CYP2A13: variants seen among roughly 807,000 people sequenced by gnomAD.
CYP2A13 encodes cytochrome P450 family 2 subfamily A member 13, also known as cytochrome P450 2A13.
In CYP2A13, 30 loss-of-function variants were observed where a neutral mutation model predicts 39.4. The ratio of observed to expected loss-of-function variants is 0.76; its 90% CI spans 0.57 to 1.03. The LOEUF is 1.03. Among genes scored for constraint, CYP2A13 ranks in the 50% least tolerant of loss-of-function variants. CYP2A13 has a pLI of 0.00. For missense variants in CYP2A13, 731 were observed against 648.4 expected (o/e 1.13, Z -1.38); for synonymous variants, 269 against 254.7 (o/e 1.06, Z -0.54).
chr19:41,090,191 C>T lies in CYP2A13; in HGVS notation c.488C>T (p.Thr163Met), dbSNP rs768745189. The change falls in exon 3 of 9, where the codon ACG becomes ATG. Residue 163 changes from threonine (T) to methionine (M), a missense_variant. Physicochemically the swap from Thr to Met is moderately conservative, Grantham distance 81. Coordinates refer to ENST00000330436, the MANE Select transcript of CYP2A13 (RefSeq NM_000766.5). ...AGFLIDALRG[T>M]HGANIDPTFF... ...TTCCTCATCGACGCCCTCCGGGGCA[C>T]GCACGGTGAGTAGGGGACCCCGAGT... 11 of 1,577,802 alleles carry T rather than the reference C, an allele frequency of 7.0e-6. No homozygotes were observed. The highest frequency in any genetic ancestry group is 1.7e-4 in the Middle Eastern group (1 of 5,906).
chr19:41,093,668 C>G lies in CYP2A13; in HGVS notation c.870C>G (p.Asn290Lys), dbSNP rs1568367887. The G allele has an allele frequency of 6.2e-7, 1 of 1,614,132 alleles. No individual in the cohort carries two copies. Among genetic ancestry groups the G allele is most frequent in the Non-Finnish European group, 8.5e-7 (1 of 1,180,028 alleles). Reference sequence around the variant, plus strand: ...CCAACACAGAGTTCTACTTGAAGAACCTGGTGATGACCACCCTGAACCTCT... The same window carrying G: ...CCAACACAGAGTTCTACTTGAAGAAGCTGGTGATGACCACCCTGAACCTCT... ...KNPNTEFYLK[N>K]LVMTTLNLFF... Residue 290 changes from asparagine to lysine, a missense_variant, in exon 6 of 9, where the codon AAC becomes AAG. Transcript: ENST00000330436.
At chr19:41,091,186 G>C (rs1568367260) in intron 4 of CYP2A13, among the ~76,000 whole-genome samples, 2 of 152,158 alleles carry the variant, frequency 1.3e-5, no homozygotes, top group African/African-American at 4.8e-5. Flanking sequence ...TTACAGAGGT[G>C]CTCCCAGTGC....
rs570254738 is a variant in CYP2A13, at chr19:41,091,371, C to A, written c.655-361C>A. ...GAATGCCTAAATACCTAGACAGGTGCCACTCACCTCATACCAGCCCCACCT... is the reference window on the plus strand; with the variant it reads ...GAATGCCTAAATACCTAGACAGGTGACACTCACCTCATACCAGCCCCACCT... On this transcript the variant is annotated intron_variant, in intron 4 of 8. Coordinates refer to ENST00000330436, the MANE Select transcript of CYP2A13 (RefSeq NM_000766.5). 3.7e-3 allele frequency among the ~76,000 whole-genome samples: 565 copies of A among 152,266 alleles called. 4 individuals carry two copies. Among genetic ancestry groups the A allele is most frequent in the African/African-American group, 0.013 (531 of 41,542 alleles).
intron 1 of CYP2A13, 28 bp downstream of exon 1, chr19:41,088,679 A>T (rs200927700): frequency 3.8e-5 from 61 of 1,600,870 alleles, no homozygotes; most frequent in Non-Finnish European, 4.4e-5. Flanking sequence ...GATGGGTGGC[A>T]CGGGGTGGGG....
chr19:41,092,602 A>G (rs1367926235), intron 5 of CYP2A13, among the ~76,000 whole-genome samples: 1 of 152,212 alleles, frequency 6.6e-6, no homozygotes, highest in East Asian at 1.9e-4. Context: ...GAGGTCACAC[A>G]GTGAGGAAGC....
intron 2 of CYP2A13, among the ~76,000 whole-genome samples, chr19:41,089,473 C>T (rs1230062235): frequency 4.6e-5 from 7 of 152,120 alleles, no homozygotes; most frequent in Non-Finnish European, 8.8e-5. Context: ...CTTCCCTCTC[C>T]CACTTCTTCC....
rs1381658981 is a variant in CYP2A13 at position 41,096,132 on chromosome 19, G to C, written c.*191G>C. 1 of 818,572 alleles carries C rather than the reference G, an allele frequency of 1.2e-6. No homozygotes were observed. Among genetic ancestry groups the C allele is most frequent in the Non-Finnish European group, 1.9e-6 (1 of 523,600 alleles). 50.7% of individuals were successfully genotyped at this position (818,572 alleles called of 1,614,324 possible). ...ATGATGTCCTTCAGAGCTGTGATGA[G>C]AGGAAGGGAAACCTTACAGTATGCT... On this transcript the variant is annotated 3_prime_UTR_variant, in exon 9 of 9. Coordinates refer to ENST00000330436, the MANE Select transcript of CYP2A13 (RefSeq NM_000766.5).
chr19:41,096,175 T>C lies in CYP2A13; in HGVS notation c.*234T>C. 2 of 627,026 alleles carry C rather than the reference T, an allele frequency of 3.2e-6. No homozygotes were observed. Among genetic ancestry groups the C allele is most frequent in the Non-Finnish European group, 5.5e-6 (2 of 361,834 alleles). 38.8% of individuals were successfully genotyped at this position (627,026 alleles called of 1,614,324 possible). A position where few individuals can be genotyped will look rare whatever the true frequency, so the allele number is the denominator to read the frequency against. ...AGTATGCTACAAAGAGTAGTAATAA[T>C]AGCAGCTCTTATTTCCTGAACAAGT... On this transcript the variant is annotated 3_prime_UTR_variant, in exon 9 of 9. Transcript: ENST00000330436.
chr19:41,090,216 T>C lies in CYP2A13; in HGVS notation c.493+20T>C. The C allele has an allele frequency of 6.4e-7, 1 of 1,551,744 alleles. No homozygotes were observed. The highest frequency in any genetic ancestry group is 2.3e-5 in the East Asian group (1 of 44,286). On this transcript the variant is annotated intron_variant, in intron 3 of 8. Coordinates refer to ENST00000330436, the MANE Select transcript of CYP2A13 (RefSeq NM_000766.5). ...CGCACGGTGAGTAGGGGACCCCGAG[T>C]GCGAGGGCGGGAACCCGCGCTTTCT...
chr19:41,093,908 C>A, intron 6 of CYP2A13, 137 bp downstream of exon 6: 1 of 1,055,654 alleles, frequency 9.5e-7, no homozygotes, highest in Non-Finnish European at 1.4e-6. Context: ...CAATATTCAG[C>A]TGATAGGCAT....
intron 2 of CYP2A13, 111 bp downstream of exon 2, chr19:41,089,202 G>C (rs776037436): frequency 6.4e-5 from 98 of 1,536,870 alleles, no homozygotes; most frequent in Non-Finnish European, 8.2e-5. Flanking sequence ...AGAGCCCCCT[G>C]TCTGGTCTTC....
In CYP2A13 at chr19:41,092,044, G is replaced by T. The variant is rs909678410; in HGVS notation, c.831+136G>T. 8 of 1,361,610 alleles carry T rather than the reference G, an allele frequency of 5.9e-6. No individual in the cohort carries two copies. In the African/African-American group the frequency reaches 1.0e-4, roughly 17 times the overall value. The allele number at this position is 1,361,610 out of a possible 1,614,324, so 84.3% of individuals were successfully genotyped here. On this transcript the variant is annotated intron_variant, in intron 5 of 8. Coordinates refer to ENST00000330436, the MANE Select transcript of CYP2A13 (RefSeq NM_000766.5). Reference sequence around the variant, plus strand: ...TAATCCTTACAATTGGCCAGGCGCGGTGGCTCATGACCTGTAATCCCAGCA... The same window carrying T: ...TAATCCTTACAATTGGCCAGGCGCGTTGGCTCATGACCTGTAATCCCAGCA...
intron 5 of CYP2A13, among the ~76,000 whole-genome samples, chr19:41,092,369 C>T (rs1440422167): frequency 6.8e-6 from 1 of 147,876 alleles, no homozygotes; most frequent in South Asian, 2.2e-4. Flanking sequence ...CTACATCAAC[C>T]ACTGCTGTTC....
Position 41,088,496 on chromosome 19 carries a change from G to C in CYP2A13, c.25G>C (p.Val9Leu). 1 of 1,613,852 alleles carries C rather than the reference G, an allele frequency of 6.2e-7. No individual in the cohort carries two copies. Among genetic ancestry groups the C allele is most frequent in the Non-Finnish European group, 8.5e-7 (1 of 1,179,812 alleles). The change falls in exon 1 of 9, where the codon GTG (valine) becomes CTG (leucine). Residue 9 changes from valine (V) to leucine (L), a missense_variant. By Grantham distance (32) the Val-to-Leu change is conservative (BLOSUM62 1). Transcript: ENST00000330436. MLASGLLL[V>L]TLLACLTVMV... is the part of the protein sequence containing the mutation. ...CATGCTGGCCTCAGGGCTGCTTCTG[G>C]TGACCTTGCTGGCCTGCCTGACTGT...
In CYP2A13 at chr19:41,090,400, G is replaced by A; in HGVS notation, c.494-4G>A. 1 of 1,614,020 alleles carries A rather than the reference G, an allele frequency of 6.2e-7. No homozygotes were observed. Among genetic ancestry groups the A allele is most frequent in the South Asian group, 1.1e-5 (1 of 91,070 alleles). On this transcript the variant is annotated splice_region_variant and splice_polypyrimidine_tract_variant and intron_variant, in intron 3 of 8. Coordinates refer to ENST00000330436, the MANE Select transcript of CYP2A13 (RefSeq NM_000766.5). ...CCAACCCCCTTCTCCCGCCACACCT[G>A]CAGGCGCCAATATCGATCCCACCTT...
At position 41,088,909 on chromosome 19, in the gene CYP2A13, C is replaced by G. The variant is rs373029555; in HGVS notation, c.181-20C>G. ...GAGTGGGGGCTGCTCCCTCTAACCA[C>G]TCCCACCTGCCTCCAACAGATCAGT... On this transcript the variant is annotated intron_variant, in intron 1 of 8. Transcript: ENST00000330436. 286 of 1,613,364 alleles carry G rather than the reference C, an allele frequency of 1.8e-4. No homozygotes were observed. Among genetic ancestry groups the G allele is most frequent in the Non-Finnish European group, 2.1e-4 (247 of 1,179,630 alleles).
At chr19:41,093,901 T>C (rs1250052105) in intron 6 of CYP2A13, 130 bp downstream of exon 6, 3 of 1,114,196 alleles carry the variant, frequency 2.7e-6, no homozygotes, top group African/African-American at 1.6e-5. Context: ...GACAGGACAA[T>C]ATTCAGCTGA....
intron 4 of CYP2A13, 144 bp from the exon 5 acceptor site, chr19:41,091,588 A>G: frequency 1.5e-6 from 2 of 1,305,854 alleles, no homozygotes; most frequent in Non-Finnish European, 2.1e-6. Flanking sequence ...ATAAGTTTCC[A>G]TCCAACCCCA....
chr19:41,093,700 C>T lies in CYP2A13; in HGVS notation c.902C>T (p.Ala301Val), dbSNP rs777216350. Residue 301 changes from alanine (A) to valine (V), a missense_variant, in exon 6 of 9, where the codon GCG (alanine) becomes GTG (valine). Physicochemically the swap from Ala to Val is moderately conservative, Grantham distance 64. Transcript: ENST00000330436. The stretch of plus-strand genomic sequence containing the variant: ...ATGACCACCCTGAACCTCTTCTTTG[C>T]GGGCACTGAGACCGTGAGCACCACC... ...LVMTTLNLFF[A>V]GTETVSTTLR... 3.0e-5 allele frequency: 48 copies of T among 1,613,964 alleles called. No individual in the cohort carries two copies. The highest frequency in any genetic ancestry group is 1.5e-4 in the South Asian group (14 of 91,080).
Sources: allele counts gnomAD v4.1 joint callset (sites outside exome capture counted in the v4.1 genomes callset), GRCh38; gene constraint gnomAD v4.1.1; transcripts MANE v1.5; gene names NCBI Gene and HGNC (gene_info 2026-07-23, HGNC 2026-07-21).